TNIP2: variants seen among roughly 807,000 people sequenced by gnomAD.
TNIP2 encodes the protein TNFAIP3-interacting protein 2.
In TNIP2, 30 loss-of-function variants were observed where a neutral mutation model predicts 43.7. The ratio of observed to expected loss-of-function variants is 0.69; its 90% CI spans 0.51 to 0.93. The LOEUF (loss-of-function observed/expected upper bound fraction) is 0.93, where lower values mean the gene tolerates loss of function less well. TNIP2 is among the 40% of genes least tolerant of loss of function. The probability of loss-of-function intolerance (pLI) is 0.00; values close to 1 mark genes in which losing one functional copy is unlikely to be tolerated. For synonymous variants in TNIP2, 260 were observed against 254.6 expected (o/e 1.02, Z -0.20); for missense variants, 599 against 591.0 (o/e 1.01, Z -0.14).
rs777035092 is a variant in TNIP2 at position 2,744,045 on chromosome 4, T to C, written c.1026+342A>G. ...CATGACAAGGTAAGCGGGGTTCCCG[T>C]CTCACAGACAGGTCAGGACACGTAG... On this transcript the variant is annotated intron_variant, in intron 5 of 5. Coordinates refer to ENST00000315423, the MANE Select transcript of TNIP2 (RefSeq NM_024309.4). The surrounding 1 kb of genome is among the most constrained non-coding windows in gnomAD (Gnocchi z 5.1). Among the ~76,000 whole-genome samples the C allele has an allele frequency of 7.9e-5, 12 of 152,116 alleles. No homozygotes were observed. Among genetic ancestry groups the C allele is most frequent in the Admixed American group, 3.3e-4 (5 of 15,278 alleles).
intron 1 of TNIP2, 178 bp downstream of exon 1, chr4:2,755,836 T>A: frequency 2.7e-6 from 1 of 365,950 alleles, no homozygotes; most frequent in Non-Finnish European, 3.1e-6. Flanking sequence ...CGGCACCCCC[T>A]CAACTCCCAG....
At chr4:2,750,554 A>T (rs1722075857) in intron 1 of TNIP2, among the ~76,000 whole-genome samples, 1 of 151,848 alleles carries the variant, frequency 6.6e-6, no homozygotes, top group African/African-American at 2.4e-5. Context: ...AACCTCCCAA[A>T]TAGCTGGGAC....
At chr4:2,747,989 G>A in intron 1 of TNIP2, 44 bp from the exon 2 acceptor site, 1 of 1,588,142 alleles carries the variant, frequency 6.3e-7, no homozygotes, top group Non-Finnish European at 8.6e-7. Flanking sequence ...ATTAAAAGAA[G>A]CAGTGTCAAG....
chr4:2,749,552 G>A (rs375269894), intron 1 of TNIP2, among the ~76,000 whole-genome samples: 75 of 152,308 alleles, frequency 4.9e-4, no homozygotes, highest in African/African-American at 1.4e-3. Flanking sequence ...TAGGAGTGAC[G>A]TCTTGTCTTG....
At position 2,747,756 on chromosome 4, in the gene TNIP2, T is replaced by C. The variant is rs1390903295; in HGVS notation, c.466A>G (p.Arg156Gly). ...ATGTGGGCGGTGGCGGTCAGCGTCC[T>C]CCGCAGCTGATGGGTCTCGTTGGCC... ...SLANETHQLR[R>G]TLTATAHMCQ... Residue 156 changes from arginine to glycine, a missense_variant, in exon 2 of 6, where the codon AGG (arginine) becomes GGG (glycine). Coordinates refer to ENST00000315423, the MANE Select transcript of TNIP2 (RefSeq NM_024309.4). 6.2e-7 allele frequency: 1 copy of C among 1,610,432 alleles called. No individual in the cohort carries two copies. The highest frequency in any genetic ancestry group is 8.5e-7 in the Non-Finnish European group (1 of 1,180,016).
intron 5 of TNIP2, among the ~76,000 whole-genome samples, 173 bp from the exon 6 acceptor site, chr4:2,742,693 G>A (rs1721828491): frequency 6.6e-6 from 1 of 152,194 alleles, no homozygotes; most frequent in African/African-American, 2.4e-5. Context: ...GTGAATGACT[G>A]AGGATCACAC....
chr4:2,747,728 C>G lies in TNIP2; in HGVS notation c.494G>C (p.Cys165Ser). Residue 165 changes from cysteine (C) to serine (S), a missense_variant, in exon 2 of 6, where the codon TGT (cysteine) becomes TCT (serine). Transcript: ENST00000315423. ...RRTLTATAHM[C>S]QHLAKCLDER... Reference sequence around the variant, plus strand: ...ATCCAGACACTTGGCCAGATGCTGACACATGTGGGCGGTGGCGGTCAGCGT... The same window carrying G: ...ATCCAGACACTTGGCCAGATGCTGAGACATGTGGGCGGTGGCGGTCAGCGT... The G allele has an allele frequency of 1.2e-6, 2 of 1,607,058 alleles. No homozygotes were observed. Among genetic ancestry groups the G allele is most frequent in the Non-Finnish European group, 1.7e-6 (2 of 1,179,986 alleles).
At chr4:2,742,953 G>A (rs1365943722) in intron 5 of TNIP2, among the ~76,000 whole-genome samples, 1 of 152,158 alleles carries the variant, frequency 6.6e-6, no homozygotes, top group African/African-American at 2.4e-5. Flanking sequence ...GAGCACTCTG[G>A]GGCTCAGGGG....
Position 2,754,396 on chromosome 4 carries a change from G to A in TNIP2, c.276+1618C>T, listed in dbSNP as rs189187673. On this transcript the variant is annotated intron_variant, in intron 1 of 5. Transcript: ENST00000315423. ...TAAACATCATAGACAAGGACAAAGA[G>A]AAGAAAGTCAGGATTTGCGTCTTTT... is the stretch of plus-strand genomic sequence containing the variant. Among the ~76,000 whole-genome samples the A allele has an allele frequency of 3.6e-4, 55 of 152,352 alleles. 1 individual carries two copies. The East Asian group carries it at 9.1e-3, about 25-fold the overall frequency.
chr4:2,745,387 C>T, intron 3 of TNIP2, 59 bp downstream of exon 3: 1 of 1,309,252 alleles, frequency 7.6e-7, no homozygotes, highest in Non-Finnish European at 1.1e-6. Flanking sequence ...AGGAAAGAAC[C>T]CTCACTTACA....
rs751176133 is a variant in TNIP2, at chr4:2,747,867, G to GC, written c.354dup (p.Arg119AlafsTer23). On this transcript the variant is annotated frameshift_variant, in exon 2 of 6. Coordinates refer to ENST00000315423, the MANE Select transcript of TNIP2 (RefSeq NM_024309.4). LOFTEE classifies it high-confidence loss of function. ...CGTAGCAGGACGACTTCCTTCTCTCGCTCGTGTTGGGGCTGGCTCAGCAGC... is the reference window on the plus strand; with the variant it reads ...CGTAGCAGGACGACTTCCTTCTCTCGCCTCGTGTTGGGGCTGGCTCAGCAGC... 2.5e-6 allele frequency: 4 copies of GC among 1,613,592 alleles called. No homozygotes were observed. Among genetic ancestry groups the GC allele is most frequent in the Non-Finnish European group, 3.4e-6 (4 of 1,180,048 alleles).
chr4:2,752,174 G>A (rs1722119881), intron 1 of TNIP2, among the ~76,000 whole-genome samples: 1 of 151,786 alleles, frequency 6.6e-6, no homozygotes, highest in Non-Finnish European at 1.5e-5. Context: ...AAAGAGCCAA[G>A]AAAACAAGCA....
chr4:2,742,124 A>G lies in TNIP2; in HGVS notation c.*133T>C, dbSNP rs945016951. On this transcript the variant is annotated 3_prime_UTR_variant, in exon 6 of 6. Transcript: ENST00000315423. ...GCCAAAGGGACCAAAGTGAACGATC[A>G]GAGTGCCCCGCAACTATTCTAGGGG... is the stretch of plus-strand genomic sequence containing the variant. 2 of 892,326 alleles carry G rather than the reference A, an allele frequency of 2.2e-6. No individual in the cohort carries two copies. The highest frequency in any genetic ancestry group is 3.1e-6 in the Non-Finnish European group (2 of 653,254). The allele number at this position is 892,326 out of a possible 1,614,324, so 55.3% of individuals were successfully genotyped here.
intron 1 of TNIP2, among the ~76,000 whole-genome samples, chr4:2,754,510 G>A (rs1380165873): frequency 4.6e-5 from 7 of 152,150 alleles, no homozygotes; most frequent in African/African-American, 9.7e-5. Context: ...TCCGCCGCCC[G>A]GGTTCATGCC....
In TNIP2 at chr4:2,744,608, A is replaced by C. The variant is rs551800093; in HGVS notation, c.906+89T>G. On this transcript the variant is annotated intron_variant, in intron 4 of 5. Coordinates refer to ENST00000315423, the MANE Select transcript of TNIP2 (RefSeq NM_024309.4). The surrounding 1 kb of genome is among the most constrained non-coding windows in gnomAD (Gnocchi z 5.1). ...GACCACTGCCCACTCAGTGCCACCA[A>C]GCCTTCAGCCCAGCCTGTCCCATGA... is the stretch of plus-strand genomic sequence containing the variant. 7 of 1,593,930 alleles carry C rather than the reference A, an allele frequency of 4.4e-6. No homozygotes were observed. The South Asian group carries it at 7.8e-5, about 18-fold the overall frequency.
chr4:2,747,586 C>G lies in TNIP2; in HGVS notation c.567+69G>C, dbSNP rs548001667. The G allele has an allele frequency of 2.0e-4, 302 of 1,518,900 alleles. 1 individual carries two copies. The African/African-American group carries it at 3.7e-3, about 18-fold the overall frequency. The allele number at this position is 1,518,900 out of a possible 1,614,324, so 94.1% of individuals were successfully genotyped here. ...TGGGGCGCCCCCCCACCTCTGTGAT[C>G]AGGGGCCTGTAGGCGATGCTCCCAG... On this transcript the variant is annotated intron_variant, in intron 2 of 5. Coordinates refer to ENST00000315423, the MANE Select transcript of TNIP2 (RefSeq NM_024309.4).
Position 2,742,308 on chromosome 4 carries a change from A to C in TNIP2, c.1239T>G (p.Ser413Arg), listed in dbSNP as rs979355926. 1.3e-6 allele frequency: 2 copies of C among 1,533,932 alleles called. No homozygotes were observed. The highest frequency in any genetic ancestry group is 2.0e-5 in the Admixed American group (1 of 49,856). ...LQCPHCLQCF[S>R]DEQGEELLRH... ...TGAGGAGCTCTTCCCCTTGCTCGTC[A>C]CTGAAGCACTGCAGGCAGTGAGGGC... The change falls in exon 6 of 6, where the codon AGT (serine) becomes AGG (arginine). Residue 413 changes from serine (S) to arginine (R), a missense_variant. Transcript: ENST00000315423.
chr4:2,744,328 TGAGAA>T lies in TNIP2; in HGVS notation c.1026+54_1026+58del, dbSNP rs1721877846. The T allele has an allele frequency of 6.8e-6, 11 of 1,608,298 alleles. No homozygotes were observed. The East Asian group carries it at 2.0e-4, about 29-fold the overall frequency. On this transcript the variant is annotated intron_variant, in intron 5 of 5. Transcript: ENST00000315423. The surrounding 1 kb of genome is among the most constrained non-coding windows in gnomAD (Gnocchi z 5.1). Reference sequence around the variant, plus strand: ...CAGACACAGAAAGGCTCTAATCTCATGAGAAGAGAAACAAAAACACTAAACCTAAG... The same window carrying T: ...CAGACACAGAAAGGCTCTAATCTCATGAGAAACAAAAACACTAAACCTAAG...
chr4:2,747,424 G>A (rs1333204516), intron 2 of TNIP2: 1 of 525,156 alleles, frequency 1.9e-6, no homozygotes, highest in East Asian at 3.0e-5. Flanking sequence ...GTCGGCCACA[G>A]GCCTGGTGCT....
Sources: allele counts gnomAD v4.1 joint callset (sites outside exome capture counted in the v4.1 genomes callset), GRCh38; gene constraint gnomAD v4.1.1; non-coding constraint Gnocchi (gnomAD v3.1); transcripts MANE v1.5; gene names NCBI Gene and HGNC (gene_info 2026-07-23, HGNC 2026-07-21).